Variants in ARHGAP32 observed in about 807,000 individuals in gnomAD.
ARHGAP32 encodes the protein Rho GTPase activating protein 32.
Under a neutral mutation model 186.5 loss-of-function variants are expected in ARHGAP32, and 51 were observed. That is an observed-to-expected ratio of 0.27 (90% CI 0.22 to 0.35). ARHGAP32 has a LOEUF of 0.35. Among genes scored for constraint, ARHGAP32 ranks in the 10% least tolerant of loss-of-function variants. The pLI, the probability that ARHGAP32 is intolerant of heterozygous loss-of-function variation, is 1.00. For synonymous variants in ARHGAP32, 950 were observed against 964.3 expected (o/e 0.99, Z 0.27); for missense variants, 2,186 against 2,623.5 (o/e 0.83, Z 3.64).
rs965904833 is a variant in ARHGAP32 at position 129,053,522 on chromosome 11, T to C, written c.963+8758A>G. Among the ~76,000 whole-genome samples the C allele has an allele frequency of 3.3e-5, 5 of 152,294 alleles. 1 individual carries two copies. The highest frequency in any genetic ancestry group is 3.4e-3 in the Middle Eastern group (1 of 294). ...AAGTAAACAAGCAGAGCCACTATTA[T>C]TCATTAAATTATTACCATGCTCTGT... On this transcript the variant is annotated intron_variant, in intron 10 of 22. Transcript: ENST00000682385.
chr11:129,218,736 AAAC>A (rs72151470), intron 1 of ARHGAP32, among the ~76,000 whole-genome samples: 22,786 of 151,964 alleles, frequency 0.15, 2,064 homozygotes, highest in African/African-American at 0.25. Context: ...TGAATGTAAA[AAAC>A]AACAACAACA....
At chr11:129,221,070 T>C (rs1442701954) in intron 1 of ARHGAP32, among the ~76,000 whole-genome samples, 2 of 150,616 alleles carry the variant, frequency 1.3e-5, no homozygotes, top group Non-Finnish European at 3.0e-5. Flanking sequence ...ATATTCTAAC[T>C]AGGAAAAAAA....
At chr11:129,037,127 T>C (rs1381406435) in intron 11 of ARHGAP32, among the ~76,000 whole-genome samples, 2 of 152,196 alleles carry the variant, frequency 1.3e-5, no homozygotes, top group South Asian at 2.1e-4. Flanking sequence ...GAATTGAATA[T>C]ATTTATAAAG....
chr11:128,987,186 C>T (rs1374567709), intron 13 of ARHGAP32, among the ~76,000 whole-genome samples: 2 of 152,122 alleles, frequency 1.3e-5, no homozygotes, highest in Non-Finnish European at 2.9e-5. Context: ...AAATCTGTAT[C>T]ATTAGAATGA....
intron 2 of ARHGAP32, among the ~76,000 whole-genome samples, chr11:129,147,087 TGCAACCTA>T (rs913238594): frequency 6.6e-6 from 1 of 152,136 alleles, no homozygotes; most frequent in African/African-American, 2.4e-5. Flanking sequence ...TACACACTTT[TGCAACCTA>T]GCATTGCACT....
chr11:129,184,665 G>A (rs756624692), intron 1 of ARHGAP32, among the ~76,000 whole-genome samples: 26 of 152,000 alleles, frequency 1.7e-4, no homozygotes, highest in African/African-American at 2.7e-4. Flanking sequence ...TAACACAAAG[G>A]TTTGACTCTG....
intron 6 of ARHGAP32, among the ~76,000 whole-genome samples, chr11:129,075,764 T>C (rs531803211): frequency 2.0e-3 from 305 of 152,252 alleles, no homozygotes; most frequent in Non-Finnish European, 2.7e-3. Context: ...GCATAAAACA[T>C]ACCATAACAA....
intron 1 of ARHGAP32, among the ~76,000 whole-genome samples, chr11:129,270,322 T>C (rs1329227467): frequency 1.3e-5 from 2 of 152,130 alleles, no homozygotes; most frequent in African/African-American, 4.8e-5. Flanking sequence ...GGCAAAAGTA[T>C]GGAAACAGTA....
At position 128,968,811 on chromosome 11, in the gene ARHGAP32, T is replaced by A. The variant is rs910817540; in HGVS notation, c.*96A>T. ...TCATTTTTTAAATGTGGTCAGGGGTTTTATAGTATTTTTTGTTTAATCTTT... is the reference window on the plus strand; with the variant it reads ...TCATTTTTTAAATGTGGTCAGGGGTATTATAGTATTTTTTGTTTAATCTTT... On this transcript the variant is annotated 3_prime_UTR_variant, in exon 23 of 23. Coordinates refer to ENST00000682385, the MANE Select transcript of ARHGAP32 (RefSeq NM_001378024.1). The A allele has an allele frequency of 2.0e-6, 2 of 1,013,500 alleles. No individual in the cohort carries two copies. Among genetic ancestry groups the A allele is most frequent in the Non-Finnish European group, 2.6e-6 (2 of 760,000 alleles). 62.8% of individuals were successfully genotyped at this position (1,013,500 alleles called of 1,614,324 possible).
At chr11:129,066,607 C>G (rs764096670) in intron 7 of ARHGAP32, 124 bp downstream of exon 7, 2 of 794,532 alleles carry the variant, frequency 2.5e-6, no homozygotes, top group East Asian at 2.7e-5. Flanking sequence ...AGTTATGAAA[C>G]AGGCAAGTAG....
At chr11:128,996,358 T>C (rs1301406675) in intron 12 of ARHGAP32, among the ~76,000 whole-genome samples, 1 of 152,198 alleles carries the variant, frequency 6.6e-6, no homozygotes, top group Non-Finnish European at 1.5e-5. Flanking sequence ...CAGCATTTCA[T>C]CATATCCAAA....
intron 5 of ARHGAP32, among the ~76,000 whole-genome samples, chr11:129,118,355 C>T (rs1942430218): frequency 6.6e-6 from 1 of 151,676 alleles, no homozygotes; most frequent in East Asian, 1.9e-4. Context: ...ACTAAACTTT[C>T]AATTCAAGAA....
intron 10 of ARHGAP32, among the ~76,000 whole-genome samples, chr11:129,044,700 C>CT (rs11390948): frequency 1 from 152,212 of 152,212 alleles, 76,106 homozygotes; most frequent in Non-Finnish European, 1. Flanking sequence ...AAATCTGCAA[C>CT]TGCCTGAGAG....
intron 5 of ARHGAP32, among the ~76,000 whole-genome samples, chr11:129,095,599 G>T (rs1209731310): frequency 6.6e-6 from 1 of 152,184 alleles, no homozygotes; most frequent in Non-Finnish European, 1.5e-5. Context: ...TGAAACAGAG[G>T]AAAGGAGAAC....
chr11:129,101,931 A>G (rs1185239308), intron 5 of ARHGAP32, among the ~76,000 whole-genome samples: 1 of 152,224 alleles, frequency 6.6e-6, no homozygotes, highest in Non-Finnish European at 1.5e-5. Flanking sequence ...GAAATGAAAG[A>G]AAAAATGTGA....
Position 128,974,663 on chromosome 11 carries a change from G to C in ARHGAP32, c.2534C>G (p.Ala845Gly), listed in dbSNP as rs1945492602. The C allele has an allele frequency of 6.2e-7, 1 of 1,614,088 alleles. No individual in the cohort carries two copies. The highest frequency in any genetic ancestry group is 8.5e-7 in the Non-Finnish European group (1 of 1,180,004). ...ACCTGTTTCTGCATCCTTTTTATTG[G>C]CACTTGGTTTATCCTTGGAGTATCC... ...SPGYSKDKPS[A>G]NKKDAETGSS... The change falls in exon 21 of 23, where the codon GCC becomes GGC. Residue 845 changes from alanine to glycine, a missense_variant. By Grantham distance (60) the Ala-to-Gly change is moderately conservative. This residue lies in a region of ARHGAP32 where 263 missense variants were observed against 323.5 expected (regional missense o/e 0.81). Coordinates refer to ENST00000682385, the MANE Select transcript of ARHGAP32 (RefSeq NM_001378024.1).
At chr11:129,112,361 T>C (rs1385964702) in intron 5 of ARHGAP32, among the ~76,000 whole-genome samples, 2 of 152,224 alleles carry the variant, frequency 1.3e-5, no homozygotes, top group Non-Finnish European at 2.9e-5. Flanking sequence ...TTTACTATGA[T>C]GTGCCTTGGC....
At chr11:129,211,477 T>C (rs762730913) in intron 1 of ARHGAP32, among the ~76,000 whole-genome samples, 5 of 152,338 alleles carry the variant, frequency 3.3e-5, no homozygotes, top group Non-Finnish European at 5.9e-5. Context: ...TCAAAAACGC[T>C]GGGCATCTAA....
intron 6 of ARHGAP32, among the ~76,000 whole-genome samples, chr11:129,074,437 G>A (rs1940972381): frequency 6.6e-6 from 1 of 152,120 alleles, no homozygotes; most frequent in Admixed American, 6.5e-5. Context: ...ATTTGAAAGT[G>A]AACTAGGATT....
Sources: gnomAD v4.1 joint callset for allele counts (sites outside exome capture counted in the v4.1 genomes callset) on GRCh38, gnomAD v4.1.1 for gene constraint, gnomAD v4.1.1 regional missense constraint, MANE v1.5 for transcripts, NCBI Gene and HGNC (gene_info 2026-07-23, HGNC 2026-07-21) for gene names.